Variants in DDX19A observed in about 807,000 individuals in gnomAD.
DDX19A encodes DEAD-box helicase 19A.
Under a neutral mutation model 60.6 loss-of-function variants are expected in DDX19A, and 12 were observed. That is an observed-to-expected ratio of 0.20 (90% CI 0.13 to 0.32). The LOEUF (loss-of-function observed/expected upper bound fraction) is 0.32, where lower values mean the gene tolerates loss of function less well. Among genes scored for constraint, DDX19A ranks in the 10% least tolerant of loss-of-function variants. The pLI, the probability that DDX19A is intolerant of heterozygous loss-of-function variation, is 1.00. For synonymous variants in DDX19A, 206 were observed against 218.2 expected, an observed-to-expected ratio of 0.94 and a Z score of 0.49; for missense variants, 337 against 600.6, an observed-to-expected ratio of 0.56 and a Z score of 4.59.
chr16:70,360,495 TTTTTG>T (rs150346969), intron 4 of DDX19A, among the ~76,000 whole-genome samples: 13,702 of 151,012 alleles, frequency 0.091, 2,059 homozygotes, highest in African/African-American at 0.32. Flanking sequence ...TCATTTTTCT[TTTTTG>T]TTTTGTTTTG....
At chr16:70,359,146 G>A (rs1964300982) in intron 4 of DDX19A, among the ~76,000 whole-genome samples, 1 of 152,166 alleles carries the variant, frequency 6.6e-6, no homozygotes, top group Non-Finnish European at 1.5e-5. Flanking sequence ...ATCACCTAAT[G>A]TACTTGGTCT....
intron 5 of DDX19A, among the ~76,000 whole-genome samples, chr16:70,362,011 A>AT (rs1418302836): frequency 2.0e-5 from 3 of 151,248 alleles, no homozygotes; most frequent in African/African-American, 7.3e-5. Context: ...TCTTACTAAA[A>AT]TCAAAAAAAA....
At position 70,346,941 on chromosome 16, in the gene DDX19A, C is replaced by A. The variant is rs766661312; in HGVS notation, c.-51C>A. 1 of 1,572,406 alleles carries A rather than the reference C, an allele frequency of 6.4e-7. No individual in the cohort carries two copies. The highest frequency in any genetic ancestry group is 8.7e-7 in the Non-Finnish European group (1 of 1,154,856). On this transcript the variant is annotated 5_prime_UTR_variant, in exon 1 of 12. Transcript: ENST00000302243. ...GGTGGCGAGGTTAGGGCCCGCGTTG[C>A]GACGTGGTGCAGCGCATATTTTCAC...
chr16:70,356,583 C>T (rs1407017872), intron 4 of DDX19A, among the ~76,000 whole-genome samples: 3 of 152,018 alleles, frequency 2.0e-5, no homozygotes, highest in Non-Finnish European at 4.4e-5. Flanking sequence ...GTCTTGAACT[C>T]CTGACCTCAG....
intron 4 of DDX19A, 110 bp from the exon 5 acceptor site, chr16:70,361,308 C>A: frequency 1.2e-6 from 1 of 844,526 alleles, no homozygotes. Flanking sequence ...GAAAATACGT[C>A]TGACAGAGGT....
intron 8 of DDX19A, 50 bp downstream of exon 8, chr16:70,366,312 C>A: frequency 6.2e-7 from 1 of 1,610,186 alleles, no homozygotes. Flanking sequence ...TCTGCAGTGT[C>A]TTCTCCCTTC....
At chr16:70,351,838 TA>T (rs1302776314) in intron 2 of DDX19A, among the ~76,000 whole-genome samples, 3 of 152,230 alleles carry the variant, frequency 2.0e-5, no homozygotes, top group African/African-American at 4.8e-5. Flanking sequence ...AATTTTATTT[TA>T]TTTTTTTAAA....
At chr16:70,356,841 C>G (rs897840690) in intron 4 of DDX19A, 13 of 1,244,058 alleles carry the variant, frequency 1.0e-5, no homozygotes, top group Middle Eastern at 2.3e-4. Flanking sequence ...CTCTTATACT[C>G]TTAGAACTTT....
chr16:70,356,907 G>A (rs773949636), intron 4 of DDX19A: 55 of 1,252,786 alleles, frequency 4.4e-5, no homozygotes, highest in Admixed American at 1.8e-4. Flanking sequence ...TTCTGATTAG[G>A]TAAGCCCTTA....
rs578198781 is a variant in DDX19A, at chr16:70,365,897, T to G, written c.605-188T>G. 5 of 759,252 alleles carry G rather than the reference T, an allele frequency of 6.6e-6. No homozygotes were observed. The African/African-American group carries it at 7.0e-5, about 11-fold the overall frequency. 47.0% of individuals were successfully genotyped at this position (759,252 alleles called of 1,614,324 possible). ...GTGTGGGATTTGATCCTGACCACAG[T>G]GCACTGAGATAGGTGTCATTCTGCC... On this transcript the variant is annotated intron_variant, in intron 7 of 11. Coordinates refer to ENST00000302243, the MANE Select transcript of DDX19A (RefSeq NM_018332.5).
At chr16:70,363,964 C>T (rs1964446868) in intron 5 of DDX19A, 1 of 152,182 alleles carries the variant, frequency 6.6e-6, no homozygotes, top group African/African-American at 2.4e-5. Flanking sequence ...TGGTCTCGAT[C>T]TCCTGATCTT....
At chr16:70,363,706 A>G (rs1391768465) in intron 5 of DDX19A, 2 of 151,662 alleles carry the variant, frequency 1.3e-5, no homozygotes, top group Non-Finnish European at 1.5e-5. Flanking sequence ...CCTGACCTCA[A>G]GTGATCTGCC....
intron 10 of DDX19A, chr16:70,371,143 A>G: frequency 2.8e-6 from 2 of 708,006 alleles, no homozygotes. Context: ...TGTCTCCCAG[A>G]GGATTACCGA....
intron 2 of DDX19A, among the ~76,000 whole-genome samples, chr16:70,351,042 G>T (rs1192351318): frequency 5.0e-5 from 7 of 139,850 alleles, no homozygotes; most frequent in Non-Finnish European, 1.1e-4. Flanking sequence ...CCACGCGCTA[G>T]TTTTTTTTTT....
At chr16:70,362,815 C>T (rs568430786) in intron 5 of DDX19A, among the ~76,000 whole-genome samples, 2 of 151,340 alleles carry the variant, frequency 1.3e-5, no homozygotes, top group Admixed American at 1.3e-4. Context: ...AGTTTGAGAC[C>T]AGCCTGGCCA....
intron 2 of DDX19A, among the ~76,000 whole-genome samples, chr16:70,352,054 C>T (rs962824004): frequency 1.3e-5 from 2 of 152,034 alleles, no homozygotes; most frequent in African/African-American, 2.4e-5. Flanking sequence ...TTGAGGTCAG[C>T]GGGCCACACA....
intron 1 of DDX19A, chr16:70,347,890 A>G (rs573438213): frequency 3.0e-6 from 1 of 336,780 alleles, no homozygotes; most frequent in African/African-American, 2.3e-5. Flanking sequence ...GGGTTTCTCC[A>G]TGTTGGTCAG....
rs561389788 is a variant in DDX19A at position 70,359,362 on chromosome 16, A to G, written c.294-2056A>G. ...TAAATTTCTTTGTGTCTGAGAACCA[A>G]CATACGCCAGAGAATTTGCCTTTTA... On this transcript the variant is annotated intron_variant, in intron 4 of 11. Transcript: ENST00000302243. Among the ~76,000 whole-genome samples the G allele has an allele frequency of 1.8e-4, 28 of 152,330 alleles. 1 individual carries two copies. The South Asian group carries it at 5.8e-3, about 32-fold the overall frequency.
At chr16:70,351,565 C>T (rs553345320) in intron 2 of DDX19A, among the ~76,000 whole-genome samples, 164 of 151,784 alleles carry the variant, frequency 1.1e-3, no homozygotes, top group African/African-American at 3.5e-3. Context: ...CACTCTGCCA[C>T]GCAGGCCGGA....
Sources: gnomAD v4.1 joint callset for allele counts (sites outside exome capture counted in the v4.1 genomes callset) on GRCh38, gnomAD v4.1.1 for gene constraint, MANE v1.5 for transcripts, NCBI Gene and HGNC (gene_info 2026-07-23, HGNC 2026-07-21) for gene names.